Variants in LDLRAD3 observed in about 807,000 individuals in gnomAD.
LDLRAD3 encodes the protein low-density lipoprotein receptor class A domain-containing protein 3.
In LDLRAD3, 20 loss-of-function variants were observed where a neutral mutation model predicts 29.4. The observed-to-expected ratio is 0.68, with a 90% CI of 0.48 to 0.99. LDLRAD3 has a LOEUF of 0.99. LDLRAD3 is among the 50% of genes least tolerant of loss of function. LDLRAD3 has a pLI of 0.00. For missense variants in LDLRAD3, 420 were observed against 454.3 expected, an observed-to-expected ratio of 0.92 and a Z score of 0.69; for synonymous variants, 157 against 192.7, an observed-to-expected ratio of 0.81 and a Z score of 1.53.
intron 1 of LDLRAD3, among the ~76,000 whole-genome samples, chr11:35,994,844 T>C (rs1011062104): frequency 1.3e-5 from 2 of 152,250 alleles, no homozygotes; most frequent in African/African-American, 4.8e-5. Flanking sequence ...AGCCACTTTG[T>C]TTGCTCATCT....
intron 4 of LDLRAD3, among the ~76,000 whole-genome samples, chr11:36,165,870 T>G (rs1455461697): frequency 6.6e-6 from 1 of 151,966 alleles, no homozygotes; most frequent in Non-Finnish European, 1.5e-5. Context: ...TGATCTCATT[T>G]TTATGGCTTA....
intron 1 of LDLRAD3, among the ~76,000 whole-genome samples, chr11:36,000,290 TATATA>T (rs1176463575): frequency 6.7e-6 from 1 of 149,124 alleles, no homozygotes; most frequent in Non-Finnish European, 1.5e-5. Flanking sequence ...ATATATAACA[TATATA>T]ATATAAATAC....
At chr11:36,068,050 T>C (rs1852825792) in intron 2 of LDLRAD3, among the ~76,000 whole-genome samples, 1 of 152,176 alleles carries the variant, frequency 6.6e-6, no homozygotes, top group Non-Finnish European at 1.5e-5. Context: ...GCTTATTGTC[T>C]CTTTTTCGTT....
chr11:36,203,694 T>C (rs1855160705), intron 4 of LDLRAD3, among the ~76,000 whole-genome samples: 1 of 152,178 alleles, frequency 6.6e-6, no homozygotes, highest in Non-Finnish European at 1.5e-5. Context: ...GTTAAAGAAG[T>C]GTAGATTGTC....
intron 2 of LDLRAD3, among the ~76,000 whole-genome samples, chr11:36,077,869 T>C (rs1393309876): frequency 4.6e-5 from 7 of 152,212 alleles, no homozygotes; most frequent in Admixed American, 4.6e-4. Flanking sequence ...GTTTGTGTTA[T>C]AGCTCTTTTA....
At chr11:36,153,721 A>T (rs1049450255) in intron 4 of LDLRAD3, among the ~76,000 whole-genome samples, 4 of 152,158 alleles carry the variant, frequency 2.6e-5, no homozygotes, top group African/African-American at 9.7e-5. Flanking sequence ...CTTCTTGAAC[A>T]AAGGAGAAGG....
intron 4 of LDLRAD3, among the ~76,000 whole-genome samples, chr11:36,140,723 G>T (rs1188528788): frequency 6.6e-6 from 1 of 152,096 alleles, no homozygotes; most frequent in East Asian, 1.9e-4. Context: ...GCCTGACGTT[G>T]TGTACACTTT....
intron 1 of LDLRAD3, among the ~76,000 whole-genome samples, chr11:35,978,465 C>T (rs770905261): frequency 6.6e-6 from 1 of 152,176 alleles, no homozygotes; most frequent in Non-Finnish European, 1.5e-5. Flanking sequence ...TGTTTGCTGT[C>T]GTGGTAGCTC....
intron 2 of LDLRAD3, among the ~76,000 whole-genome samples, chr11:36,068,799 A>G (rs1852841998): frequency 6.6e-6 from 1 of 152,150 alleles, no homozygotes; most frequent in South Asian, 2.1e-4. Flanking sequence ...TACAGGCGTG[A>G]GCCACCGCGC....
intron 3 of LDLRAD3, among the ~76,000 whole-genome samples, chr11:36,087,077 C>A (rs1427730636): frequency 6.6e-6 from 1 of 151,966 alleles, no homozygotes; most frequent in African/African-American, 2.4e-5. Context: ...GGGAGGCAAA[C>A]TTTTAGATAC....
At chr11:35,985,524 G>T (rs1349757514) in intron 1 of LDLRAD3, among the ~76,000 whole-genome samples, 1 of 152,166 alleles carries the variant, frequency 6.6e-6, no homozygotes, top group Non-Finnish European at 1.5e-5. Flanking sequence ...GGAGGCAAAT[G>T]TGGGAGATAC....
intron 4 of LDLRAD3, among the ~76,000 whole-genome samples, chr11:36,151,930 A>C (rs1160325643): frequency 2.0e-5 from 3 of 152,190 alleles, no homozygotes; most frequent in Non-Finnish European, 4.4e-5. Context: ...ACTTGACCCC[A>C]ACACTTTAGC....
intron 4 of LDLRAD3, among the ~76,000 whole-genome samples, chr11:36,104,933 T>C (rs1024706814): frequency 9.9e-5 from 15 of 152,168 alleles, no homozygotes; most frequent in African/African-American, 3.1e-4. Flanking sequence ...TGGCATGTTT[T>C]CCCTCTCTTT....
intron 4 of LDLRAD3, among the ~76,000 whole-genome samples, chr11:36,129,120 C>T (rs1365033018): frequency 6.6e-6 from 1 of 152,032 alleles, no homozygotes; most frequent in Admixed American, 6.5e-5. Context: ...GCCTCCAGCT[C>T]GAGAGATTTA....
chr11:36,193,958 A>C (rs185382039), intron 4 of LDLRAD3, among the ~76,000 whole-genome samples: 1 of 152,302 alleles, frequency 6.6e-6, no homozygotes, highest in East Asian at 1.9e-4. Flanking sequence ...TAAACTGGGA[A>C]TACTGTCATT....
intron 4 of LDLRAD3, among the ~76,000 whole-genome samples, chr11:36,161,662 G>C (rs942282805): frequency 6.6e-6 from 1 of 152,168 alleles, no homozygotes; most frequent in African/African-American, 2.4e-5. Flanking sequence ...TCCTCTTACA[G>C]AAGAGCGGTA....
chr11:36,114,576 A>G (rs571930983), intron 4 of LDLRAD3, among the ~76,000 whole-genome samples: 4 of 152,304 alleles, frequency 2.6e-5, no homozygotes, highest in Non-Finnish European at 5.9e-5. Flanking sequence ...GTTGGCCTCA[A>G]ATTTGGGCCA....
chr11:36,046,830 G>T (rs1048082371), intron 2 of LDLRAD3, among the ~76,000 whole-genome samples: 2 of 152,152 alleles, frequency 1.3e-5, no homozygotes, highest in African/African-American at 2.4e-5. Flanking sequence ...TTTGTAGCAT[G>T]GTGGTTATGG....
chr11:36,223,350 C>T (rs1051187272), intron 4 of LDLRAD3, among the ~76,000 whole-genome samples: 3 of 152,186 alleles, frequency 2.0e-5, no homozygotes, highest in Non-Finnish European at 4.4e-5. Context: ...TAAAACCTCA[C>T]GTGTTTACAC....
Sources: allele counts gnomAD v4.1 joint callset (sites outside exome capture counted in the v4.1 genomes callset), GRCh38; gene constraint gnomAD v4.1.1; transcripts MANE v1.5; gene names NCBI Gene and HGNC (gene_info 2026-07-23, HGNC 2026-07-21).